Variants in TRPM3 observed in about 807,000 individuals in gnomAD.
The protein encoded by TRPM3 is long transient receptor potential channel 3.
A neutral mutation model predicts 181.2 loss-of-function variants in TRPM3; 77 were observed. That is an observed-to-expected ratio of 0.42 (90% CI 0.35 to 0.51). TRPM3 has a LOEUF of 0.51. Among genes scored for constraint, TRPM3 ranks in the 20% least tolerant of loss-of-function variants. The probability of loss-of-function intolerance (pLI) is 0.01; values close to 1 mark genes in which losing one functional copy is unlikely to be tolerated. For synonymous variants in TRPM3, 745 were observed against 796.4 expected (o/e 0.94, Z 1.09); for missense variants, 1,759 against 2,196.7 (o/e 0.80, Z 3.98).
At chr9:71,408,741 G>A (rs2093485348) in intron 1 of TRPM3, among the ~76,000 whole-genome samples, 1 of 152,104 alleles carries the variant, frequency 6.6e-6, no homozygotes, top group Non-Finnish European at 1.5e-5. Flanking sequence ...TCAAATTCAG[G>A]AAATACAGAG....
chr9:71,436,302 T>C (rs112653376), intron 1 of TRPM3, among the ~76,000 whole-genome samples: 728 of 32,012 alleles, frequency 0.023, 1 homozygote, highest in Middle Eastern at 0.13. Flanking sequence ...TTCTTTCTTT[T>C]TTTTTTTTTT....
At chr9:70,959,860 T>C (rs957260802) in intron 1 of TRPM3, among the ~76,000 whole-genome samples, 1 of 152,216 alleles carries the variant, frequency 6.6e-6, no homozygotes, top group Non-Finnish European at 1.5e-5. Context: ...ACTTTTGTGT[T>C]CTGAAAATTC....
chr9:70,611,114 A>G (rs2061935053), intron 18 of TRPM3, among the ~76,000 whole-genome samples: 1 of 152,178 alleles, frequency 6.6e-6, no homozygotes, highest in African/African-American at 2.4e-5. Flanking sequence ...CTTTCTATAT[A>G]TCATGAAACA....
chr9:70,892,367 T>C (rs1383238409), intron 1 of TRPM3, among the ~76,000 whole-genome samples: 1 of 152,122 alleles, frequency 6.6e-6, no homozygotes, highest in African/African-American at 2.4e-5. Flanking sequence ...ATAGGGTGAT[T>C]ACTCTAGATC....
chr9:71,246,241 CTTT>C (rs2082029482), intron 1 of TRPM3, among the ~76,000 whole-genome samples: 2 of 152,086 alleles, frequency 1.3e-5, no homozygotes, highest in Non-Finnish European at 2.9e-5. Context: ...ATCTCCAGGG[CTTT>C]TTAAGTGATT....
intron 1 of TRPM3, among the ~76,000 whole-genome samples, chr9:71,271,430 G>A (rs979893537): frequency 6.6e-6 from 1 of 152,020 alleles, no homozygotes; most frequent in Non-Finnish European, 1.5e-5. Context: ...TTTAAAGAAT[G>A]GCTTACCACT....
chr9:70,565,636 G>A, intron 22 of TRPM3, among the ~76,000 whole-genome samples: 1 of 150,414 alleles, frequency 6.6e-6, no homozygotes, highest in South Asian at 2.1e-4. Context: ...TACCAATCAA[G>A]TGAATTGCGG....
chr9:70,677,153 G>T (rs552870495), intron 9 of TRPM3, among the ~76,000 whole-genome samples: 3 of 152,138 alleles, frequency 2.0e-5, no homozygotes, highest in Admixed American at 2.0e-4. Context: ...CATAAGACAC[G>T]CCCTCCAGTG....
At chr9:70,737,922 G>A (rs2073111343) in intron 8 of TRPM3, among the ~76,000 whole-genome samples, 1 of 152,090 alleles carries the variant, frequency 6.6e-6, no homozygotes, top group African/African-American at 2.4e-5. Flanking sequence ...CACAATAATA[G>A]TGATGGACAT....
At chr9:70,629,685 A>G (rs913999453) in intron 12 of TRPM3, among the ~76,000 whole-genome samples, 1 of 152,220 alleles carries the variant, frequency 6.6e-6, no homozygotes, top group African/African-American at 2.4e-5. Flanking sequence ...CATATAAACA[A>G]ACCCAGAGTG....
Position 71,368,257 on chromosome 9 carries a change from T to G in TRPM3, c.183+78396A>C, listed in dbSNP as rs565764670. ...AAGTTGATTTGACCATCTGATTACT[T>G]GTTTGACAGCTGCAGAGTTTATCCA... On this transcript the variant is annotated intron_variant, in intron 1 of 24. Transcript: ENST00000357533. Among the ~76,000 whole-genome samples the G allele has an allele frequency of 3.4e-4, 51 of 152,190 alleles. 1 individual carries two copies. The highest frequency in any genetic ancestry group is 1.2e-3 in the Admixed American group (19 of 15,286).
chr9:70,922,922 C>T lies in TRPM3; in HGVS notation c.178-58411G>A, dbSNP rs187051298. 1.9e-3 allele frequency among the ~76,000 whole-genome samples: 294 copies of T among 152,246 alleles called. 1 individual carries two copies. The highest frequency in any genetic ancestry group is 6.5e-3 in the African/African-American group (272 of 41,550). ...GGGGCCTGAGAAAAGAGAAGAGACT[C>T]TGTAAACATGTTCCACAAAAGCTCA... On this transcript the variant is annotated intron_variant, in intron 1 of 25. Coordinates refer to ENST00000677713, the MANE Select transcript of TRPM3 (RefSeq NM_001366145.2).
intron 1 of TRPM3, among the ~76,000 whole-genome samples, chr9:71,251,079 T>C (rs1481473992): frequency 2.6e-5 from 4 of 152,180 alleles, no homozygotes; most frequent in African/African-American, 4.8e-5. Flanking sequence ...TAAGTATTCT[T>C]GTACTTTTAG....
intron 1 of TRPM3, among the ~76,000 whole-genome samples, chr9:71,158,495 A>G (rs1459780704): frequency 6.6e-6 from 1 of 152,204 alleles, no homozygotes; most frequent in African/African-American, 2.4e-5. Flanking sequence ...AGAGTTAAGA[A>G]GAAGAAAACA....
chr9:70,931,093 C>T (rs552713455), intron 1 of TRPM3, among the ~76,000 whole-genome samples: 1 of 151,552 alleles, frequency 6.6e-6, no homozygotes, highest in Non-Finnish European at 1.5e-5. Flanking sequence ...TTAAGAGTTA[C>T]ATAAGGATAG....
intron 1 of TRPM3, among the ~76,000 whole-genome samples, chr9:71,433,548 A>C (rs2093989168): frequency 1.3e-5 from 2 of 152,218 alleles, no homozygotes; most frequent in East Asian, 3.8e-4. Context: ...TGCAGCATGA[A>C]AACAAATACA....
intron 1 of TRPM3, among the ~76,000 whole-genome samples, chr9:71,401,635 T>G: frequency 6.6e-6 from 1 of 152,192 alleles, no homozygotes; most frequent in East Asian, 1.9e-4. Flanking sequence ...CTGAAAGCAG[T>G]TTTGTAATAA....
At chr9:70,601,948 G>C (rs1406498567) in intron 20 of TRPM3, among the ~76,000 whole-genome samples, 1 of 152,068 alleles carries the variant, frequency 6.6e-6, no homozygotes, top group Admixed American at 6.6e-5. Context: ...CAGCAGGAGC[G>C]GGCCTCAGTT....
At chr9:70,876,974 T>C (rs748786872) in intron 1 of TRPM3, among the ~76,000 whole-genome samples, 1 of 152,068 alleles carries the variant, frequency 6.6e-6, no homozygotes, top group Non-Finnish European at 1.5e-5. Context: ...AATTGATACA[T>C]TATTATTAAC....
Sources: gnomAD v4.1 joint callset for allele counts (sites outside exome capture counted in the v4.1 genomes callset) on GRCh38, gnomAD v4.1.1 for gene constraint, MANE v1.5 for transcripts, NCBI Gene and HGNC (gene_info 2026-07-23, HGNC 2026-07-21) for gene names.